SLC51A: variants seen among roughly 807,000 people sequenced by gnomAD.
SLC51A encodes the protein solute carrier family 51 member A, also known as organic solute transporter subunit alpha.
A neutral mutation model predicts 34.8 loss-of-function variants in SLC51A; 22 were observed. The observed-to-expected ratio is 0.63, with a 90% confidence interval of 0.45 to 0.90. SLC51A has a LOEUF of 0.90. SLC51A is among the 40% of genes least tolerant of loss of function. SLC51A has a pLI of 0.00. For synonymous variants in SLC51A, 181 were observed against 176.3 expected, an observed-to-expected ratio of 1.03 and a Z score of -0.21; for missense variants, 371 against 414.8, an observed-to-expected ratio of 0.89 and a Z score of 0.92.
chr3:196,217,982 G>A, intron 2 of SLC51A, 46 bp downstream of exon 2: 1 of 1,554,650 alleles, frequency 6.4e-7, no homozygotes, highest in Non-Finnish European at 8.8e-7. Context: ...AGGGAAACCA[G>A]GATAGCTGAG....
At position 196,217,873 on chromosome 3, in the gene SLC51A, A is replaced by G. The variant is rs771132291; in HGVS notation, c.70A>G (p.Thr24Ala). The change falls in exon 2 of 9, where the codon ACC (threonine) becomes GCC (alanine). Residue 24 changes from threonine to alanine, a missense_variant. Thr to Ala is a moderately conservative substitution (Grantham distance 58). Coordinates refer to ENST00000296327, the MANE Select transcript of SLC51A (RefSeq NM_152672.6). ...YTADLLEVLK[T>A]NYGIPSACFS... ...AGCAGATCTTCTGGAGGTGCTGAAG[A>G]CCAATTACGGCATCCCCTCCGCCTG... The G allele has an allele frequency of 1.9e-6, 3 of 1,613,686 alleles. No individual in the cohort carries two copies. Among genetic ancestry groups the G allele is most frequent in the Non-Finnish European group, 2.5e-6 (3 of 1,179,844 alleles).
At chr3:196,224,029 T>C (rs1186707076) in intron 2 of SLC51A, 1 of 292,160 alleles carries the variant, frequency 3.4e-6, no homozygotes, top group African/African-American at 2.3e-5. Context: ...TGGCTAATTT[T>C]TGTATTTTTG....
intron 2 of SLC51A, chr3:196,223,857 CTTTTT>C (rs10578707): frequency 0.024 from 8,099 of 330,870 alleles, 4 homozygotes; most frequent in East Asian, 0.04. Context: ...TTTTTAATGC[CTTTTT>C]TTTTTTTTTT....
At chr3:196,226,914 C>G in intron 2 of SLC51A, 51 bp from the exon 3 acceptor site, 4 of 1,546,338 alleles carry the variant, frequency 2.6e-6, no homozygotes, top group Non-Finnish European at 3.5e-6. Context: ...CAAGCCCAGG[C>G]CTTCTCCCGC....
At chr3:196,219,169 T>G (rs529366819) in intron 2 of SLC51A, among the ~76,000 whole-genome samples, 5 of 152,060 alleles carry the variant, frequency 3.3e-5, no homozygotes, top group African/African-American at 1.2e-4. Context: ...GAGGTTGCAG[T>G]GAGCCGAGAT....
chr3:196,220,667 T>G, intron 2 of SLC51A, among the ~76,000 whole-genome samples: 1 of 151,338 alleles, frequency 6.6e-6, no homozygotes, highest in African/African-American at 2.4e-5. Context: ...GGGAAAAGAG[T>G]CTGAGGCAGG....
intron 1 of SLC51A, among the ~76,000 whole-genome samples, chr3:196,217,219 A>G (rs1181002756): frequency 6.6e-6 from 1 of 151,802 alleles, no homozygotes; most frequent in Non-Finnish European, 1.5e-5. Context: ...CCAGTTCTCC[A>G]CTCCCTCTAA....
At position 196,216,689 on chromosome 3, in the gene SLC51A, G is replaced by A. The variant is rs112417408; in HGVS notation, c.-24G>A. 98 of 1,556,942 alleles carry A rather than the reference G, an allele frequency of 6.3e-5. 1 individual carries two copies. The African/African-American group carries it at 6.7e-4, about 11-fold the overall frequency. On this transcript the variant is annotated 5_prime_UTR_variant, in exon 1 of 9. Transcript: ENST00000296327. The surrounding 1 kb of genome is among the most constrained non-coding windows in gnomAD (Gnocchi z 4.5). Reference sequence around the variant, plus strand: ...TGCCCTTCCTCACCCCGGTGCCTGCGGGATTGCTGGAGAGAACGCGGCGAT... The same window carrying A: ...TGCCCTTCCTCACCCCGGTGCCTGCAGGATTGCTGGAGAGAACGCGGCGAT...
intron 7 of SLC51A, 156 bp downstream of exon 7, chr3:196,230,217 G>A (rs1724000409): frequency 5.2e-6 from 4 of 766,918 alleles, no homozygotes; most frequent in East Asian, 3.1e-5. Context: ...TGTGCTTCCC[G>A]CTTTTGTCTT....
chr3:196,233,163 C>T lies in SLC51A; in HGVS notation c.987C>T (p.Phe329=). ...ACCACAAGGTTGGGTATGAAACTTTCTCTTCTCCAGACCTGGACTTGAACC... is the reference window on the plus strand; with the variant it reads ...ACCACAAGGTTGGGTATGAAACTTTTTCTTCTCCAGACCTGGACTTGAACC... ...RKDHKVGYET[F]SSPDLDLNLK... Residue 329 remains phenylalanine (F), a synonymous_variant, in exon 9 of 9, where the codon TTC becomes TTT. Transcript: ENST00000296327. 6.2e-7 allele frequency: 1 copy of T among 1,614,268 alleles called. No homozygotes were observed. The highest frequency in any genetic ancestry group is 1.1e-5 in the South Asian group (1 of 91,090).
intron 2 of SLC51A, among the ~76,000 whole-genome samples, chr3:196,223,666 A>C (rs1386806360): frequency 6.6e-6 from 1 of 150,932 alleles, no homozygotes. Context: ...GCTTTTTCCT[A>C]TCTGGACTTT....
intron 2 of SLC51A, among the ~76,000 whole-genome samples, chr3:196,223,139 C>T (rs1560152569): frequency 2.6e-5 from 4 of 151,742 alleles, no homozygotes; most frequent in South Asian, 4.2e-4. Context: ...CGAATACCTG[C>T]GTTTAAATCT....
At chr3:196,232,872 G>T (rs1334400913) in intron 8 of SLC51A, 191 bp from the exon 9 acceptor site, 2 of 629,776 alleles carry the variant, frequency 3.2e-6, no homozygotes, top group Admixed American at 5.8e-5. Flanking sequence ...GAGCACAGAA[G>T]TAGACAGCCA....
rs534819053 is a variant in SLC51A at position 196,227,827 on chromosome 3, G to GT, written c.362+91dup. 9.7e-5 allele frequency: 123 copies of GT among 1,263,372 alleles called. No individual in the cohort carries two copies. The East Asian group carries it at 2.0e-3, about 21-fold the overall frequency. The allele number at this position is 1,263,372 out of a possible 1,614,324, so 78.3% of individuals were successfully genotyped here. ...CGTGTCCTTGATCCCAGCTGACCAT[G>GT]TATCTGGCCCTTCCCAGCTTGTGCT... On this transcript the variant is annotated intron_variant, in intron 4 of 8. Coordinates refer to ENST00000296327, the MANE Select transcript of SLC51A (RefSeq NM_152672.6).
At chr3:196,218,911 A>G (rs1309438060) in intron 2 of SLC51A, among the ~76,000 whole-genome samples, 1 of 151,326 alleles carries the variant, frequency 6.6e-6, no homozygotes, top group African/African-American at 2.4e-5. Context: ...ACAAGATTCT[A>G]TTACTGAATT....
chr3:196,228,907 A>G lies in SLC51A; in HGVS notation c.620A>G (p.Tyr207Cys), dbSNP rs1723964000. Residue 207 changes from tyrosine (Y) to cysteine (C), a missense_variant, in exon 6 of 9, where the codon TAT (tyrosine) becomes TGT (cysteine). By Grantham distance (194) the Tyr-to-Cys change is radical. Coordinates refer to ENST00000296327, the MANE Select transcript of SLC51A (RefSeq NM_152672.6). The surrounding 1 kb of genome is among the most constrained non-coding windows in gnomAD (Gnocchi z 4.9). Reference protein sequence around the residue: ...VGLFLVPDGIYDPADISEGST... With the variant: ...VGLFLVPDGICDPADISEGST... Reference sequence around the variant, plus strand: ...CTGTTTCTCGTCCCCGACGGCATCTATGACCCAGCAGACGTAAGCCGGGAG... The same window carrying G: ...CTGTTTCTCGTCCCCGACGGCATCTGTGACCCAGCAGACGTAAGCCGGGAG... 1 of 1,613,770 alleles carries G rather than the reference A, an allele frequency of 6.2e-7. No individual in the cohort carries two copies.
chr3:196,219,465 G>A (rs1000047318), intron 2 of SLC51A, among the ~76,000 whole-genome samples: 1 of 152,230 alleles, frequency 6.6e-6, no homozygotes, highest in African/African-American at 2.4e-5. Flanking sequence ...GCAACAGGAA[G>A]CTCTCAGTGT....
intron 2 of SLC51A, among the ~76,000 whole-genome samples, chr3:196,224,154 T>C (rs931222523): frequency 4.0e-5 from 6 of 151,584 alleles, no homozygotes; most frequent in Admixed American, 6.6e-5. Flanking sequence ...CCACTGTGCC[T>C]AGCCCTTTCT....
intron 2 of SLC51A, chr3:196,223,809 G>GAGAC: frequency 2.6e-6 from 1 of 387,396 alleles, no homozygotes; most frequent in Non-Finnish European, 5.0e-6. Flanking sequence ...GTCCCACCCA[G>GAGAC]AGACAGGCAC....
Sources: allele counts gnomAD v4.1 joint callset (sites outside exome capture counted in the v4.1 genomes callset), GRCh38; gene constraint gnomAD v4.1.1; non-coding constraint Gnocchi (gnomAD v3.1); transcripts MANE v1.5; gene names NCBI Gene and HGNC (gene_info 2026-07-23, HGNC 2026-07-21).